Variants in PPP6R2 observed in about 807,000 individuals in gnomAD.
PPP6R2 encodes the protein serine/threonine-protein phosphatase 6 regulatory subunit 2.
PPP6R2 carries 62 observed loss-of-function variants against 100.2 expected under a neutral mutation model. The ratio of observed to expected loss-of-function variants is 0.62; its 90% CI spans 0.50 to 0.76. PPP6R2 has a LOEUF of 0.76. Ranked by LOEUF, PPP6R2 falls within the 30% of genes least tolerant of loss-of-function variation. The probability of loss-of-function intolerance (pLI) is 0.00; values close to 1 mark genes in which losing one functional copy is unlikely to be tolerated. For synonymous variants in PPP6R2, 525 were observed against 514.7 expected (o/e 1.02, Z -0.27); for missense variants, 1,142 against 1,276.3 (o/e 0.89, Z 1.60).
intron 3 of PPP6R2, among the ~76,000 whole-genome samples, chr22:50,403,676 T>G (rs1443840092): frequency 6.6e-6 from 1 of 152,042 alleles, no homozygotes; most frequent in Non-Finnish European, 1.5e-5. Flanking sequence ...CCCTACTCCA[T>G]CGGGCCCCAG....
chr22:50,382,568 C>G (rs1327481174), intron 2 of PPP6R2, among the ~76,000 whole-genome samples: 1 of 149,346 alleles, frequency 6.7e-6, no homozygotes, highest in African/African-American at 2.5e-5. Context: ...GTACCACCAA[C>G]AAACACACTG....
Position 50,406,617 on chromosome 22 carries a change from A to G in PPP6R2, c.228-72A>G, listed in dbSNP as rs907379145. 9.2e-6 allele frequency: 13 copies of G among 1,418,208 alleles called. No homozygotes were observed. In the South Asian group the frequency reaches 1.4e-4, roughly 16 times the overall value. 87.9% of individuals were successfully genotyped at this position (1,418,208 alleles called of 1,614,324 possible). On this transcript the variant is annotated intron_variant, in intron 3 of 23. Coordinates refer to ENST00000612753, the MANE Select transcript of PPP6R2 (RefSeq NM_001242898.2). ...CGTGGGTCTGCTTCCTAAGAAGCAG[A>G]CTATGTAAGCAGCTTCCTAAGAGTT... is the stretch of plus-strand genomic sequence containing the variant.
chr22:50,338,270 AAGTGTGTGGTGTGTTTGTGGTGTGT>A, the PPP6R2 span, among the ~76,000 whole-genome samples: 15 of 57,092 alleles, frequency 2.6e-4, no homozygotes, highest in South Asian at 6.2e-4. Flanking sequence ...GGTGCGTGTG[AAGTGTGTGGTGTGTTTGTGGTGTGT>A]AGTGTGTGGT....
rs1162464518 is a variant in PPP6R2 at position 50,424,461 on chromosome 22, C to T, written c.1125+847C>T. ...CGTCCGCGTGTGGAACGTCTGTCAG[C>T]GTGTGGAAGGTCCGTCCGCGTGTGG... On this transcript the variant is annotated intron_variant, in intron 10 of 23. Coordinates refer to ENST00000612753, the MANE Select transcript of PPP6R2 (RefSeq NM_001242898.2). Among the ~76,000 whole-genome samples the T allele has an allele frequency of 1.7e-4, 21 of 123,246 alleles. 1 individual carries two copies. The East Asian group carries it at 4.0e-3, about 24-fold the overall frequency. 80.9% of individuals were successfully genotyped at this position (123,246 alleles called of 152,430 possible). A position where few individuals can be genotyped will look rare whatever the true frequency, so the allele number is the denominator to read the frequency against.
chr22:50,357,228 T>C (rs2046794666), intron 1 of PPP6R2, among the ~76,000 whole-genome samples: 1 of 152,200 alleles, frequency 6.6e-6, no homozygotes, highest in South Asian at 2.1e-4. Context: ...GATTGTTCTT[T>C]TATTCACTTT....
intron 4 of PPP6R2, among the ~76,000 whole-genome samples, chr22:50,411,420 C>T (rs1434915424): frequency 6.6e-6 from 1 of 151,828 alleles, no homozygotes. Context: ...GGCCACTGCA[C>T]TCCAGCCTAG....
upstream of PPP6R2, among the ~76,000 whole-genome samples, chr22:50,338,895 A>G (rs376422806): frequency 0.87 from 106,859 of 122,574 alleles, 45,768 homozygotes; most frequent in African/African-American, 0.91. Flanking sequence ...TATGTGGGGT[A>G]TGTGTGGTGT....
intron 10 of PPP6R2, among the ~76,000 whole-genome samples, chr22:50,430,873 C>CAAA (rs375308909): frequency 0.11 from 9,490 of 85,384 alleles, 763 homozygotes; most frequent in East Asian, 0.44. Context: ...GACTCCGTCT[C>CAAA]AAAAAAAAAA....
chr22:50,443,632 G>A (rs528008977), intron 22 of PPP6R2: 6 of 581,220 alleles, frequency 1.0e-5, no homozygotes, highest in African/African-American at 5.6e-5. Flanking sequence ...CTGCCTGGAG[G>A]AGGTTTGAGG....
At position 50,434,206 on chromosome 22, in the gene PPP6R2, C is replaced by A. The variant is rs570576156; in HGVS notation, c.1401-760C>A. Among the ~76,000 whole-genome samples, 5 of 72,122 alleles carry A rather than the reference C, an allele frequency of 6.9e-5. 1 individual carries two copies. Among genetic ancestry groups the A allele is most frequent in the South Asian group, 1.3e-3 (2 of 1,524 alleles). The allele number at this position is 72,122 out of a possible 152,430, so 47.3% of individuals were successfully genotyped here. Reference sequence around the variant, plus strand: ...GCTGGGCATTTGCTCTGGAGGTGAACCTGGAGGAGGGCTGGGGGCATGGAT... The same window carrying A: ...GCTGGGCATTTGCTCTGGAGGTGAAACTGGAGGAGGGCTGGGGGCATGGAT... On this transcript the variant is annotated intron_variant, in intron 12 of 23. Coordinates refer to ENST00000612753, the MANE Select transcript of PPP6R2 (RefSeq NM_001242898.2).
At position 50,414,675 on chromosome 22, in the gene PPP6R2, C is replaced by T; in HGVS notation, c.538C>T (p.Gln180Ter). ...VSCVEPAGLR[Q>*]DVLHWLNEEK... ...CTGTGTGGAGCCAGCCGGGCTCCGG[C>T]AGGACGTCCTGCACGTGAGTGCGGG... The change falls in exon 5 of 24, where the codon CAG becomes TAG. Residue 180 changes from glutamine (Q) to a stop codon, truncating the protein, a stop_gained. Coordinates refer to ENST00000612753, the MANE Select transcript of PPP6R2 (RefSeq NM_001242898.2). LOFTEE classifies it high-confidence loss of function. The T allele has an allele frequency of 6.2e-7, 1 of 1,611,806 alleles. No individual in the cohort carries two copies. The highest frequency in any genetic ancestry group is 8.5e-7 in the Non-Finnish European group (1 of 1,179,828).
chr22:50,404,262 T>A (rs2058498405), intron 3 of PPP6R2, among the ~76,000 whole-genome samples: 1 of 151,742 alleles, frequency 6.6e-6, no homozygotes, highest in Non-Finnish European at 1.5e-5. Context: ...ACCTGGCTAA[T>A]TTTTGTATTT....
intron 6 of PPP6R2, among the ~76,000 whole-genome samples, chr22:50,418,435 G>T (rs778275067): frequency 1.3e-5 from 2 of 151,634 alleles, no homozygotes; most frequent in African/African-American, 2.4e-5. Flanking sequence ...ACCCAGGCTG[G>T]AGTGCAGTGG....
intron 1 of PPP6R2, among the ~76,000 whole-genome samples, chr22:50,367,888 G>A (rs919211180): frequency 1.3e-5 from 2 of 152,134 alleles, no homozygotes; most frequent in Admixed American, 1.3e-4. Context: ...TAGTGGCCCC[G>A]AATGCCTGGC....
intron 16 of PPP6R2, 99 bp from the exon 17 acceptor site, chr22:50,437,744 G>T: frequency 6.9e-7 from 1 of 1,438,930 alleles, no homozygotes; most frequent in South Asian, 1.2e-5. Context: ...TTGTGTGAGG[G>T]TGCTGAGGCC....
Position 50,440,966 on chromosome 22 carries a change from G to T in PPP6R2, c.2519G>T (p.Gly840Val). Residue 840 changes from glycine to valine, a missense_variant, in exon 22 of 24, where the codon GGT becomes GTT. Physicochemically the swap from Gly to Val is moderately radical, Grantham distance 109. Around this residue, in one of 2 missense-constraint regions of PPP6R2, gnomAD observed 550 missense variants for 517.4 expected, o/e 1.06. Coordinates refer to ENST00000612753, the MANE Select transcript of PPP6R2 (RefSeq NM_001242898.2). ...AGTGCCATGGATGCGGTGAGCAGGG[G>T]TCCCGGCCGGGAGGCCCCCCCGCTG... ...AASAMDAVSR[G>V]PGREAPPLPT... 6.2e-7 allele frequency: 1 copy of T among 1,612,276 alleles called. No individual in the cohort carries two copies. The highest frequency in any genetic ancestry group is 8.5e-7 in the Non-Finnish European group (1 of 1,179,186).
rs543601718 is a variant in PPP6R2, at chr22:50,394,253, C to CT, written c.227+118_227+119insT. On this transcript the variant is annotated intron_variant, in intron 3 of 23. Transcript: ENST00000612753. Reference sequence around the variant, plus strand: ...TGATGAAGAAGCGAGCCGTAAAAATCCACCCCATGTGAGAAGTGAGGAGGG... The same window carrying CT: ...TGATGAAGAAGCGAGCCGTAAAAATCTCACCCCATGTGAGAAGTGAGGAGGG... The CT allele has an allele frequency of 5.3e-4, 771 of 1,463,940 alleles. 8 individuals are homozygous for CT. The South Asian group carries it at 9.6e-3, about 18-fold the overall frequency. The allele number at this position is 1,463,940 out of a possible 1,614,324, so 90.7% of individuals were successfully genotyped here.
chr22:50,363,730 C>T (rs1279139532), intron 1 of PPP6R2, among the ~76,000 whole-genome samples: 1 of 152,150 alleles, frequency 6.6e-6, no homozygotes, highest in Non-Finnish European at 1.5e-5. Context: ...GACCATTCAG[C>T]GTGCTCCAGG....
intron 1 of PPP6R2, among the ~76,000 whole-genome samples, chr22:50,371,091 A>G (rs1185364343): frequency 1.3e-5 from 2 of 152,196 alleles, no homozygotes; most frequent in African/African-American, 4.8e-5. Context: ...TTTCTGAAGG[A>G]CTTCATACCT....
Sources: gnomAD v4.1 joint callset for allele counts (sites outside exome capture counted in the v4.1 genomes callset) on GRCh38, gnomAD v4.1.1 for gene constraint, gnomAD v4.1.1 regional missense constraint, MANE v1.5 for transcripts, NCBI Gene and HGNC (gene_info 2026-07-23, HGNC 2026-07-21) for gene names.